The following FAM169A variants were observed in gnomAD, a reference collection of about 807,000 sequenced individuals.
The protein encoded by FAM169A is soluble lamin-associated protein of 75 kDa.
A neutral mutation model predicts 75.7 loss-of-function variants in FAM169A; 24 were observed. The ratio of observed to expected loss-of-function variants is 0.32; its 90% CI spans 0.23 to 0.45. FAM169A has a LOEUF of 0.45. FAM169A is among the 20% of genes least tolerant of loss of function. The pLI is 1.00. For missense variants in FAM169A, 673 were observed against 784.0 expected (o/e 0.86, Z 1.69); for synonymous variants, 271 against 271.0 (o/e 1.00, Z 0.00).
Position 74,841,603 on chromosome 5 carries a change from G to C in FAM169A, c.74C>G (p.Ser25Ter). The change falls in exon 2 of 13, where the codon TCA (serine) becomes TGA (stop). Residue 25 changes from serine (S) to a stop codon, truncating the protein, a stop_gained. Transcript: ENST00000687041. LOFTEE classifies it high-confidence loss of function. Reference protein sequence around the residue: ...ELENSAEDYMSDLRCGDPENP... With the variant: ...ELENSAEDYM ...TTCAGGGTCCCCACACCTTAAATCT[G>C]ACATGTAATCTTCAGCAGAATTTTC... is the stretch of plus-strand genomic sequence containing the variant. 1 of 1,612,882 alleles carries C rather than the reference G, an allele frequency of 6.2e-7. No individual in the cohort carries two copies. Among genetic ancestry groups the C allele is most frequent in the Non-Finnish European group, 8.5e-7 (1 of 1,179,130 alleles).
intron 6 of FAM169A, among the ~76,000 whole-genome samples, chr5:74,810,809 G>A (rs1580111965): frequency 8.0e-6 from 1 of 124,802 alleles, no homozygotes. Flanking sequence ...TAACTTAATA[G>A]ATATTTGCCC....
At chr5:74,854,332 T>G (rs994925266) in intron 1 of FAM169A, among the ~76,000 whole-genome samples, 1 of 151,822 alleles carries the variant, frequency 6.6e-6, no homozygotes, top group South Asian at 2.1e-4. Flanking sequence ...GAGGTGGAGG[T>G]TGCAGTGAGC....
chr5:74,798,790 AG>A (rs2112519008), intron 10 of FAM169A, among the ~76,000 whole-genome samples: 1 of 152,340 alleles, frequency 6.6e-6, no homozygotes, highest in Admixed American at 6.5e-5. Flanking sequence ...AAATTCCTGA[AG>A]GAATTCACTG....
At chr5:74,793,090 G>GTC (rs1240011786) in intron 11 of FAM169A, among the ~76,000 whole-genome samples, 2 of 152,144 alleles carry the variant, frequency 1.3e-5, no homozygotes, top group Non-Finnish European at 2.9e-5. Flanking sequence ...ACTTTGGGAG[G>GTC]CCGAGGTGGG....
At position 74,861,374 on chromosome 5, in the gene FAM169A, T is replaced by C. The variant is rs967685434; in HGVS notation, c.-4+4791A>G. Among the ~76,000 whole-genome samples the C allele has an allele frequency of 7.9e-5, 12 of 152,288 alleles. No homozygotes were observed. In the South Asian group the frequency reaches 1.7e-3, roughly 21 times the overall value. ...ATTATCTGCCTAGATCTTTGATTCA[T>C]ATTTGCAACAGTTCACGCAATACCT... On this transcript the variant is annotated intron_variant, in intron 1 of 12. Coordinates refer to ENST00000687041, the MANE Select transcript of FAM169A (RefSeq NM_001376049.1).
chr5:74,827,003 T>C (rs573929100), intron 5 of FAM169A, among the ~76,000 whole-genome samples: 1 of 152,322 alleles, frequency 6.6e-6, no homozygotes, highest in East Asian at 1.9e-4. Context: ...AATTTGGCTT[T>C]GTCTAATGGT....
At chr5:74,799,453 A>G (rs1259512306) in intron 10 of FAM169A, 12 of 1,612,376 alleles carry the variant, frequency 7.4e-6, no homozygotes, top group African/African-American at 1.3e-5. Context: ...GCATCCCAAC[A>G]ATGTTTTGCT....
At chr5:74,829,241 G>T (rs1447916662) in intron 5 of FAM169A, among the ~76,000 whole-genome samples, 1 of 151,904 alleles carries the variant, frequency 6.6e-6, no homozygotes, top group Non-Finnish European at 1.5e-5. Context: ...GTACTCAAAC[G>T]GAACGACTAT....
chr5:74,822,696 T>C (rs963393581), intron 5 of FAM169A, among the ~76,000 whole-genome samples: 58 of 152,228 alleles, frequency 3.8e-4, no homozygotes, highest in Admixed American at 1.8e-3. Context: ...GGGGCCCACA[T>C]AAATATCCAT....
chr5:74,796,020 G>A lies in FAM169A; in HGVS notation c.1260+10C>T, dbSNP rs1746254282. The A allele has an allele frequency of 6.2e-7, 1 of 1,601,892 alleles. No homozygotes were observed. The highest frequency in any genetic ancestry group is 8.5e-7 in the Non-Finnish European group (1 of 1,176,462). ...CTTTTTTTCATTTTGCTGAATAAGT[G>A]ATCTCATACCTTTTCACCATCTTGC... On this transcript the variant is annotated intron_variant, in intron 11 of 12. Coordinates refer to ENST00000687041, the MANE Select transcript of FAM169A (RefSeq NM_001376049.1).
intron 10 of FAM169A, chr5:74,798,956 C>T (rs573196897): frequency 1.8e-5 from 18 of 996,354 alleles, no homozygotes; most frequent in African/African-American, 3.2e-5. Flanking sequence ...CGGACTGCCC[C>T]GACCCCAGCT....
At chr5:74,784,171 G>A (rs77070136) in intron 11 of FAM169A, among the ~76,000 whole-genome samples, 2,687 of 152,062 alleles carry the variant, frequency 0.018, 85 homozygotes, top group African/African-American at 0.061. Flanking sequence ...GAGATCGGAT[G>A]TATTTTCAAA....
intron 3 of FAM169A, among the ~76,000 whole-genome samples, chr5:74,839,280 C>T (rs1748729008): frequency 6.6e-6 from 1 of 152,068 alleles, no homozygotes; most frequent in Non-Finnish European, 1.5e-5. Context: ...GTAATCCCCA[C>T]AATTCCTACA....
At chr5:74,831,431 G>A (rs1341263526) in intron 5 of FAM169A, among the ~76,000 whole-genome samples, 1 of 152,050 alleles carries the variant, frequency 6.6e-6, no homozygotes, top group African/African-American at 2.4e-5. Flanking sequence ...CAGTCTTGAG[G>A]TATGCAAATG....
chr5:74,804,767 A>G (rs1322138855), intron 7 of FAM169A, among the ~76,000 whole-genome samples, 162 bp from the exon 8 acceptor site: 1 of 152,190 alleles, frequency 6.6e-6, no homozygotes, highest in Non-Finnish European at 1.5e-5. Context: ...ATAATGCAAC[A>G]TTGCCATTAT....
chr5:74,822,456 A>C (rs1305073377), intron 5 of FAM169A, among the ~76,000 whole-genome samples: 1 of 152,150 alleles, frequency 6.6e-6, no homozygotes, highest in Non-Finnish European at 1.5e-5. Flanking sequence ...GCCTCAGCTA[A>C]CTTTCCTCTT....
chr5:74,838,970 T>C lies in FAM169A; in HGVS notation c.313A>G (p.Lys105Glu). Reference protein sequence around the residue: ...KTSVPSREGLKQVSTLGERVV... With the variant: ...KTSVPSREGLEQVSTLGERVV... ...AAATTAGAGGATCTTGTTACCTGCTTAAGCCCCTCTCTTGAAGGAACAGAT... is the reference window on the plus strand; with the variant it reads ...AAATTAGAGGATCTTGTTACCTGCTCAAGCCCCTCTCTTGAAGGAACAGAT... Residue 105 changes from lysine (K) to glutamate (E), a missense_variant, in exon 4 of 13, where the codon AAG becomes GAG. Lys to Glu is a moderately conservative substitution (Grantham distance 56). This residue lies in a region of FAM169A where 107 missense variants were observed against 180.8 expected (regional missense o/e 0.59). Coordinates refer to ENST00000687041, the MANE Select transcript of FAM169A (RefSeq NM_001376049.1). 6.2e-7 allele frequency: 1 copy of C among 1,610,750 alleles called. No homozygotes were observed. Among genetic ancestry groups the C allele is most frequent in the South Asian group, 1.1e-5 (1 of 91,016 alleles).
chr5:74,783,535 A>C (rs1250562827), intron 11 of FAM169A, among the ~76,000 whole-genome samples: 1 of 152,190 alleles, frequency 6.6e-6, no homozygotes, highest in African/African-American at 2.4e-5. Flanking sequence ...TCTTTACATA[A>C]CACCAGCTGT....
rs1561298089 is a variant in FAM169A, at chr5:74,805,151, C to A, written c.799+5G>T. 1 of 1,613,406 alleles carries A rather than the reference C, an allele frequency of 6.2e-7. No individual in the cohort carries two copies. Among genetic ancestry groups the A allele is most frequent in the Non-Finnish European group, 8.5e-7 (1 of 1,179,510 alleles). The stretch of plus-strand genomic sequence containing the variant: ...AACTTATGTTCAAACTGAAAACACT[C>A]TTACCTAGAATTTTAAGTGCTTCTC... On this transcript the variant is annotated splice_donor_5th_base_variant and intron_variant, in intron 7 of 12. Transcript: ENST00000687041.
Sources: gnomAD v4.1 joint callset for allele counts (sites outside exome capture counted in the v4.1 genomes callset) on GRCh38, gnomAD v4.1.1 for gene constraint, gnomAD v4.1.1 regional missense constraint, MANE v1.5 for transcripts, NCBI Gene and HGNC (gene_info 2026-07-23, HGNC 2026-07-21) for gene names.